The following NGEF variants were observed in gnomAD, a reference collection of about 807,000 sequenced individuals.
NGEF encodes neuronal guanine nucleotide exchange factor, also known as ephexin-1.
NGEF carries 31 observed loss-of-function variants against 80.9 expected under a neutral mutation model. The ratio of observed to expected loss-of-function variants is 0.38; its 90% CI spans 0.29 to 0.52. The LOEUF (loss-of-function observed/expected upper bound fraction) is 0.52, where lower values mean the gene tolerates loss of function less well. Ranked by LOEUF, NGEF falls within the 20% of genes least tolerant of loss-of-function variation. The pLI, the probability that NGEF is intolerant of heterozygous loss-of-function variation, is 0.84. For synonymous variants in NGEF, 371 were observed against 370.2 expected (o/e 1.00, Z -0.03); for missense variants, 709 against 926.2 (o/e 0.77, Z 3.04).
At chr2:232,895,981 C>CG (rs1487435493) in intron 5 of NGEF, among the ~76,000 whole-genome samples, 1 of 152,108 alleles carries the variant, frequency 6.6e-6, no homozygotes, top group East Asian at 1.9e-4. Context: ...TGGCAGATCC[C>CG]GGCTCACCTT....
chr2:232,977,577 G>A (rs964832727), intron 1 of NGEF, among the ~76,000 whole-genome samples: 16 of 152,218 alleles, frequency 1.1e-4, no homozygotes, highest in African/African-American at 3.6e-4. Context: ...CATTGAGGCT[G>A]CTTTCAGTGA....
chr2:232,934,323 T>C (rs1693283419), intron 3 of NGEF, among the ~76,000 whole-genome samples: 1 of 151,464 alleles, frequency 6.6e-6, no homozygotes, highest in South Asian at 2.1e-4. Context: ...GTGGCTTCAC[T>C]GTCCCTGAAT....
At position 232,945,043 on chromosome 2, in the gene NGEF, CG is replaced by C. The variant is rs568569917; in HGVS notation, c.384-17858del. On this transcript the variant is annotated intron_variant, in intron 3 of 14. Transcript: ENST00000264051. ...CTGGGATTACAGGCATGAGCCACCA[CG>C]CCTGGCCTATAGTTTTGACTTATAA... Among the ~76,000 whole-genome samples, 5 of 152,072 alleles carry C rather than the reference CG, an allele frequency of 3.3e-5. No individual in the cohort carries two copies. The South Asian group carries it at 8.3e-4, about 25-fold the overall frequency.
chr2:232,897,966 C>T (rs1692151786), intron 5 of NGEF, among the ~76,000 whole-genome samples: 2 of 152,216 alleles, frequency 1.3e-5, no homozygotes, highest in South Asian at 4.1e-4. Flanking sequence ...CACACAGCAG[C>T]GGGCCTCACA....
In NGEF at chr2:232,974,321, C is replaced by T. The variant is rs192335724; in HGVS notation, c.268+302G>A. Among the ~76,000 whole-genome samples, 26 of 151,894 alleles carry T rather than the reference C, an allele frequency of 1.7e-4. No homozygotes were observed. The East Asian group carries it at 4.8e-3, about 28-fold the overall frequency. ...CGTAATGTGGATGGCTCTAAGTCTC[C>T]CTCCTAGAATGCATGTACAGCGAGG... On this transcript the variant is annotated intron_variant, in intron 2 of 14. Coordinates refer to ENST00000264051, the MANE Select transcript of NGEF (RefSeq NM_019850.3).
chr2:232,908,125 T>C (rs1002386386), intron 5 of NGEF, among the ~76,000 whole-genome samples: 1 of 152,106 alleles, frequency 6.6e-6, no homozygotes, highest in African/African-American at 2.4e-5. Context: ...AAATAAAAAA[T>C]AAAACAAATA....
chr2:232,955,826 G>T (rs1384764469), intron 3 of NGEF, among the ~76,000 whole-genome samples: 1 of 152,046 alleles, frequency 6.6e-6, no homozygotes, highest in East Asian at 1.9e-4. Flanking sequence ...ACCTTTGCTT[G>T]GTTTTGTGAC....
At chr2:232,910,243 G>A (rs67267176) in intron 5 of NGEF, among the ~76,000 whole-genome samples, 1 of 151,304 alleles carries the variant, frequency 6.6e-6, no homozygotes, top group Non-Finnish European at 1.5e-5. Flanking sequence ...GGGGTGGGAG[G>A]GGGGTGGATG....
At chr2:232,886,053 A>G (rs1443774554) in intron 9 of NGEF, among the ~76,000 whole-genome samples, 2 of 107,834 alleles carry the variant, frequency 1.9e-5, no homozygotes, top group Non-Finnish European at 4.0e-5. Context: ...CTGTTTCTAA[A>G]CCACAAGCCC....
Position 232,974,867 on chromosome 2 carries a change from A to G in NGEF, c.24T>C (p.Asp8=). 6.2e-7 allele frequency: 1 copy of G among 1,613,696 alleles called. No homozygotes were observed. Residue 8 remains aspartate (D), a synonymous_variant, in exon 2 of 15, where the codon GAT becomes GAC. Coordinates refer to ENST00000264051, the MANE Select transcript of NGEF (RefSeq NM_019850.3). ...CTGATTTCCTCCGGGTCTTTTCCAA[A>G]TCTTCAGATTCCCTGGTCTCCATGG... METRESE[D]LEKTRRKSAS...
intron 2 of NGEF, 61 bp downstream of exon 2, chr2:232,974,562 A>G: frequency 1.9e-6 from 3 of 1,557,662 alleles, no homozygotes; most frequent in Non-Finnish European, 1.7e-6. Context: ...AGGACCTTTC[A>G]GCACTGATGA....
intron 4 of NGEF, among the ~76,000 whole-genome samples, chr2:232,920,932 T>G (rs1692929793): frequency 6.6e-6 from 1 of 152,230 alleles, no homozygotes; most frequent in South Asian, 2.1e-4. Flanking sequence ...ATGTCCCAAC[T>G]GTGTCTCATT....
chr2:232,928,084 C>T (rs1693124170), intron 3 of NGEF: 2 of 1,111,382 alleles, frequency 1.8e-6, no homozygotes, highest in Non-Finnish European at 2.2e-6. Flanking sequence ...TAGCGGGCTG[C>T]GGAGCGGGGT....
At chr2:232,944,348 A>G (rs1221438852) in intron 3 of NGEF, among the ~76,000 whole-genome samples, 1 of 152,254 alleles carries the variant, frequency 6.6e-6, no homozygotes, top group Non-Finnish European at 1.5e-5. Flanking sequence ...TGAAATAAGA[A>G]AAGATATGCA....
At chr2:232,888,250 ACG>A (rs1559192377) in intron 8 of NGEF, 143 bp from the exon 9 acceptor site, 33 of 624,652 alleles carry the variant, frequency 5.3e-5, no homozygotes, top group Admixed American at 1.3e-4. Context: ...ACGCACGCAC[ACG>A]CATACATGCA....
chr2:232,975,543 T>C (rs1694274023), intron 1 of NGEF, among the ~76,000 whole-genome samples: 1 of 152,116 alleles, frequency 6.6e-6, no homozygotes, highest in Admixed American at 6.6e-5. Context: ...CACCCCACCA[T>C]GGGCTGGAGA....
At chr2:232,995,826 T>A (rs1020950618) in intron 1 of NGEF, among the ~76,000 whole-genome samples, 11 of 149,254 alleles carry the variant, frequency 7.4e-5, no homozygotes, top group African/African-American at 2.7e-4. Context: ...ACATGCATAT[T>A]GTGTATATGT....
At chr2:232,927,273 G>A (rs956236030) in intron 3 of NGEF, 87 bp from the exon 4 acceptor site, 56 of 1,414,000 alleles carry the variant, frequency 4.0e-5, no homozygotes, top group Non-Finnish European at 5.1e-5. Flanking sequence ...CGCACAGGCG[G>A]CTGCTAGCCA....
At position 232,894,747 on chromosome 2, in the gene NGEF, C is replaced by CCG; in HGVS notation, c.989+8_989+9insCG. 6.4e-7 allele frequency: 1 copy of CCG among 1,562,884 alleles called. No individual in the cohort carries two copies. The highest frequency in any genetic ancestry group is 8.8e-7 in the Non-Finnish European group (1 of 1,141,630). ...CCCTGAGGGAGGTGGCTGTCCCCCC[C>CCG]GTCCTCACCGCTCACTGACAGCCAG... On this transcript the variant is annotated intron_variant, in intron 6 of 14. Transcript: ENST00000264051.
Sources: allele counts gnomAD v4.1 joint callset (sites outside exome capture counted in the v4.1 genomes callset), GRCh38; gene constraint gnomAD v4.1.1; transcripts MANE v1.5; gene names NCBI Gene and HGNC (gene_info 2026-07-23, HGNC 2026-07-21).